WWOX: variants seen among roughly 807,000 people sequenced by gnomAD.
The protein encoded by WWOX is WW domain containing oxidoreductase.
A neutral mutation model predicts 46.2 loss-of-function variants in WWOX; 69 were observed. The ratio of observed to expected loss-of-function variants is 1.49; its 90% CI spans 1.23 to 1.82. The LOEUF (loss-of-function observed/expected upper bound fraction) is 1.82, where lower values mean the gene tolerates loss of function less well. Among genes scored for constraint, WWOX ranks in the 40% most tolerant of loss-of-function variants. WWOX has a pLI of 0.00. For missense variants in WWOX, 919 were observed against 542.6 expected, an observed-to-expected ratio of 1.69 and a Z score of -6.89; for synonymous variants, 359 against 202.6, an observed-to-expected ratio of 1.77 and a Z score of -6.56.
chr16:78,484,911 C>T (rs1200646832), intron 8 of WWOX, among the ~76,000 whole-genome samples: 1 of 152,136 alleles, frequency 6.6e-6, no homozygotes, highest in Non-Finnish European at 1.5e-5. Context: ...GGTCTTTCCA[C>T]TGGTTTTCCG....
intron 8 of WWOX, among the ~76,000 whole-genome samples, chr16:79,202,110 C>A (rs1315817580): frequency 6.6e-6 from 1 of 152,102 alleles, no homozygotes; most frequent in South Asian, 2.1e-4. Flanking sequence ...TTTGGGTAGA[C>A]GTTGTCGATG....
At chr16:78,128,235 A>G (rs1464454668) in intron 4 of WWOX, among the ~76,000 whole-genome samples, 1 of 152,116 alleles carries the variant, frequency 6.6e-6, no homozygotes, top group African/African-American at 2.4e-5. Context: ...TTCTGCAAAT[A>G]TCTTCTTCAG....
At position 78,424,901 on chromosome 16, in the gene WWOX, A is replaced by T; in HGVS notation, c.637A>T (p.Thr213Ser). 6 of 1,614,118 alleles carry T rather than the reference A, an allele frequency of 3.7e-6. No individual in the cohort carries two copies. The highest frequency in any genetic ancestry group is 5.1e-6 in the Non-Finnish European group (6 of 1,180,034). ...PLHVLVCNAA[T>S]FALPWSLTKD... ...TCATGTGCTTGTGTGCAACGCAGCA[A>T]CTTTTGCTCTACCCTGGAGTCTCAC... Residue 213 changes from threonine to serine, a missense_variant, in exon 7 of 9, where the codon ACT becomes TCT. Coordinates refer to ENST00000566780, the MANE Select transcript of WWOX (RefSeq NM_016373.4).
intron 5 of WWOX, among the ~76,000 whole-genome samples, chr16:78,257,479 A>G (rs1396577478): frequency 2.0e-5 from 3 of 152,304 alleles, no homozygotes; most frequent in Admixed American, 6.5e-5. Flanking sequence ...GAGTGACACA[A>G]GACTCTTTGG....
intron 8 of WWOX, among the ~76,000 whole-genome samples, chr16:78,778,584 T>C (rs1412986689): frequency 6.6e-6 from 1 of 152,096 alleles, no homozygotes; most frequent in Non-Finnish European, 1.5e-5. Context: ...AAATTCAAGG[T>C]ATGAAATTCA....
intron 8 of WWOX, among the ~76,000 whole-genome samples, chr16:79,018,759 A>G (rs749604416): frequency 2.6e-5 from 4 of 152,184 alleles, no homozygotes; most frequent in African/African-American, 9.6e-5. Context: ...ATTTTCGGCA[A>G]GTGGTTCTGT....
chr16:78,140,408 C>G (rs1163228037), intron 4 of WWOX, among the ~76,000 whole-genome samples: 1 of 152,140 alleles, frequency 6.6e-6, no homozygotes, highest in African/African-American at 2.4e-5. Context: ...GTACCATAAA[C>G]TGGGTGGCTT....
chr16:78,610,109 C>T (rs2045864751), intron 8 of WWOX, among the ~76,000 whole-genome samples: 1 of 152,162 alleles, frequency 6.6e-6, no homozygotes, highest in Non-Finnish European at 1.5e-5. Flanking sequence ...GTGGCAAGGT[C>T]CCTGCTTCAT....
chr16:78,535,507 C>T (rs1332069465), intron 8 of WWOX: 1 of 152,082 alleles, frequency 6.6e-6, no homozygotes, highest in Non-Finnish European at 1.5e-5. Context: ...CTCCCATTAC[C>T]TTGAAGTAGA....
intron 5 of WWOX, among the ~76,000 whole-genome samples, chr16:78,380,450 G>A (rs985935612): frequency 6.6e-6 from 1 of 152,128 alleles, no homozygotes; most frequent in African/African-American, 2.4e-5. Flanking sequence ...GGCAAGGACT[G>A]AAATGGTTGT....
At chr16:78,672,053 G>C (rs1305291980) in intron 8 of WWOX, among the ~76,000 whole-genome samples, 1 of 152,118 alleles carries the variant, frequency 6.6e-6, no homozygotes, top group Admixed American at 6.5e-5. Flanking sequence ...TGAGCTACAG[G>C]ATCATGATTA....
At chr16:78,330,597 G>A (rs991700718) in intron 5 of WWOX, among the ~76,000 whole-genome samples, 4 of 152,142 alleles carry the variant, frequency 2.6e-5, no homozygotes, top group Admixed American at 6.6e-5. Context: ...AGGTTTCACC[G>A]TGTTGGCCGG....
At chr16:78,972,501 C>T (rs1387369285) in intron 8 of WWOX, among the ~76,000 whole-genome samples, 4 of 151,572 alleles carry the variant, frequency 2.6e-5, no homozygotes, top group Admixed American at 6.6e-5. Context: ...AACCTGAAGC[C>T]GCCAAGAGAG....
chr16:78,607,724 G>A (rs956589839), intron 8 of WWOX, among the ~76,000 whole-genome samples: 9 of 151,214 alleles, frequency 6.0e-5, no homozygotes, highest in Non-Finnish European at 1.3e-4. Context: ...GTGTGTGTGT[G>A]TTTGTTTTGG....
chr16:78,872,426 A>G (rs571718541), intron 8 of WWOX, among the ~76,000 whole-genome samples: 168 of 152,292 alleles, frequency 1.1e-3, no homozygotes, highest in Non-Finnish European at 1.2e-3. Flanking sequence ...GAAGGGAGTT[A>G]AAGGAAAGAA....
intron 8 of WWOX, among the ~76,000 whole-genome samples, chr16:79,074,554 C>T (rs1368088356): frequency 6.6e-6 from 1 of 151,168 alleles, no homozygotes; most frequent in Non-Finnish European, 1.5e-5. Context: ...GATCTCTACA[C>T]TCCTACTTGG....
chr16:78,580,326 G>C (rs570812242), intron 8 of WWOX, among the ~76,000 whole-genome samples: 2 of 152,130 alleles, frequency 1.3e-5, no homozygotes, highest in East Asian at 3.9e-4. Context: ...CACCTTCCTC[G>C]GCCTCCCAAA....
At chr16:78,351,144 C>T (rs768048023) in intron 5 of WWOX, among the ~76,000 whole-genome samples, 1 of 152,178 alleles carries the variant, frequency 6.6e-6, no homozygotes, top group Non-Finnish European at 1.5e-5. Flanking sequence ...CATTTTCTTA[C>T]AGTGCAGTGT....
chr16:78,501,830 A>T (rs1472206325), intron 8 of WWOX, among the ~76,000 whole-genome samples: 1 of 152,122 alleles, frequency 6.6e-6, no homozygotes. Context: ...ACGTGAAACT[A>T]GCGATGCCCT....
Sources: gnomAD v4.1 joint callset for allele counts (sites outside exome capture counted in the v4.1 genomes callset) on GRCh38, gnomAD v4.1.1 for gene constraint, MANE v1.5 for transcripts, NCBI Gene and HGNC (gene_info 2026-07-23, HGNC 2026-07-21) for gene names.